The following KLRG1 variants were observed in gnomAD, a reference collection of about 807,000 sequenced individuals.
KLRG1 encodes the protein killer cell lectin-like receptor subfamily G member 1.
Under a neutral mutation model 21.8 loss-of-function variants are expected in KLRG1, and 16 were observed. That is an observed-to-expected ratio of 0.73 (90% CI 0.50 to 1.11). KLRG1 has a LOEUF of 1.11. Ranked by LOEUF, KLRG1 falls within the 50% of genes most tolerant of loss-of-function variation. KLRG1 has a pLI of 0.00. For missense variants in KLRG1, 173 were observed against 218.3 expected (o/e 0.79, Z 1.31); for synonymous variants, 69 against 75.9 (o/e 0.91, Z 0.47).
chr12:9,192,410 A>G, the KLRG1 span: 10 of 1,289,908 alleles, frequency 7.8e-6, no homozygotes, highest in Non-Finnish European at 1.1e-5. Context: ...ACAAGAACAC[A>G]AGGTGGCTGT....
chr12:9,076,632 A>T, the KLRG1 span: 1 of 834,990 alleles, frequency 1.2e-6, no homozygotes. Flanking sequence ...TGGACAAAAT[A>T]TATATGATAT....
At chr12:9,058,148 C>T in the KLRG1 span, 2 of 152,106 alleles carry the variant, frequency 1.3e-5, no homozygotes, top group African/African-American at 4.8e-5. Context: ...GATGGAATTA[C>T]ACTGTGATAC....
At chr12:9,189,381 A>G in the KLRG1 span, among the ~76,000 whole-genome samples, 1 of 152,202 alleles carries the variant, frequency 6.6e-6, no homozygotes, top group Admixed American at 6.5e-5. Context: ...CAAAGCTAAC[A>G]AACACAAGGA....
At chr12:9,101,769 T>A in the KLRG1 span, 2 of 954,910 alleles carry the variant, frequency 2.1e-6, no homozygotes, top group Non-Finnish European at 3.1e-6. Context: ...CTACCTTAAC[T>A]AGTAGCTAGA....
chr12:9,019,618 G>A, the KLRG1 span, among the ~76,000 whole-genome samples: 11 of 152,084 alleles, frequency 7.2e-5, no homozygotes, highest in East Asian at 3.9e-4. Flanking sequence ...GGCTGGGCAC[G>A]GTGGCCAGGA....
At chr12:9,178,701 A>G in the KLRG1 span, among the ~76,000 whole-genome samples, 1 of 152,198 alleles carries the variant, frequency 6.6e-6, no homozygotes, top group African/African-American at 2.4e-5. Flanking sequence ...TGGAAAAGGC[A>G]TTAAATTTGT....
downstream of KLRG1, among the ~76,000 whole-genome samples, chr12:9,014,588 C>T (rs1447428992): frequency 6.6e-6 from 1 of 152,016 alleles, no homozygotes; most frequent in Non-Finnish European, 1.5e-5. Context: ...AACACTAGAT[C>T]TGTTGTATAA....
the KLRG1 span, among the ~76,000 whole-genome samples, chr12:9,124,090 T>C: frequency 6.6e-6 from 1 of 152,202 alleles, no homozygotes; most frequent in Non-Finnish European, 1.5e-5. Context: ...TAAAAGCTGT[T>C]CTTGGAGTTA....
chr12:9,089,974 C>T, the KLRG1 span: 1 of 1,611,174 alleles, frequency 6.2e-7, no homozygotes, highest in South Asian at 1.1e-5. Flanking sequence ...CAGTCCCACA[C>T]AGCTCTTGAG....
At chr12:9,198,774 GC>G in the KLRG1 span, among the ~76,000 whole-genome samples, 1 of 152,148 alleles carries the variant, frequency 6.6e-6, no homozygotes, top group Non-Finnish European at 1.5e-5. Flanking sequence ...TAGAATCAAA[GC>G]AGCTTATTCT....
chr12:9,080,959 A>T, the KLRG1 span, among the ~76,000 whole-genome samples: 1 of 152,202 alleles, frequency 6.6e-6, no homozygotes, highest in Non-Finnish European at 1.5e-5. Flanking sequence ...ACTGCTACTG[A>T]TGAACATACA....
chr12:9,187,827 C>A, the KLRG1 span, among the ~76,000 whole-genome samples: 1 of 152,212 alleles, frequency 6.6e-6, no homozygotes, highest in Admixed American at 6.5e-5. Flanking sequence ...ACTACTTGCT[C>A]TTCGGAACCT....
chr12:9,133,563 G>A, the KLRG1 span, among the ~76,000 whole-genome samples: 5 of 152,240 alleles, frequency 3.3e-5, no homozygotes, highest in Admixed American at 2.6e-4. Context: ...GAACATCCAG[G>A]GAGATCCAAC....
At chr12:9,192,175 G>C in the KLRG1 span, 3 of 1,604,626 alleles carry the variant, frequency 1.9e-6, no homozygotes, top group African/African-American at 4.0e-5. Context: ...AAGGAGAGAT[G>C]AATCTGAGGA....
the KLRG1 span, chr12:9,093,475 C>A: frequency 6.2e-7 from 1 of 1,613,500 alleles, no homozygotes; most frequent in Non-Finnish European, 8.5e-7. Flanking sequence ...TTTACCACCA[C>A]CAAATCCCAG....
the KLRG1 span, among the ~76,000 whole-genome samples, chr12:9,018,123 TAGA>T: frequency 2.0e-5 from 3 of 152,034 alleles, no homozygotes; most frequent in Non-Finnish European, 4.4e-5. Flanking sequence ...ACAAAAACAG[TAGA>T]AGGATATTCC....
At chr12:9,206,115 T>C in the KLRG1 span, among the ~76,000 whole-genome samples, 1 of 152,172 alleles carries the variant, frequency 6.6e-6, no homozygotes, top group East Asian at 1.9e-4. Flanking sequence ...TCTTAATCTT[T>C]TTCTGGTATC....
the KLRG1 span, among the ~76,000 whole-genome samples, chr12:9,039,697 T>C: frequency 2.3e-5 from 2 of 86,538 alleles, no homozygotes; most frequent in Non-Finnish European, 5.8e-5. Context: ...GGATTCTTTG[T>C]TTGTTTAGTA....
At chr12:9,024,024 T>C in the KLRG1 span, among the ~76,000 whole-genome samples, 6 of 63,824 alleles carry the variant, frequency 9.4e-5, no homozygotes, top group Non-Finnish European at 1.4e-4. Context: ...ATGGATTTTT[T>C]TTTTTTTTTT....
Sources: allele counts gnomAD v4.1 joint callset (sites outside exome capture counted in the v4.1 genomes callset), GRCh38; gene constraint gnomAD v4.1.1; transcripts MANE v1.5; gene names NCBI Gene and HGNC (gene_info 2026-07-23, HGNC 2026-07-21).